PRICKLE1: variants seen among roughly 807,000 people sequenced by gnomAD.
PRICKLE1 encodes the protein prickle planar cell polarity protein 1, also known as prickle-like protein 1.
Under a neutral mutation model 70.2 loss-of-function variants are expected in PRICKLE1, and 14 were observed. The ratio of observed to expected loss-of-function variants is 0.20; its 90% confidence interval spans 0.13 to 0.31. PRICKLE1 has a LOEUF of 0.31. Ranked by LOEUF, PRICKLE1 falls within the 10% of genes least tolerant of loss-of-function variation. The pLI is 1.00. For synonymous variants in PRICKLE1, 357 were observed against 379.9 expected (o/e 0.94, Z 0.70); for missense variants, 821 against 1,026.2 (o/e 0.80, Z 2.73).
intron 1 of PRICKLE1, among the ~76,000 whole-genome samples, chr12:42,569,891 A>G (rs1384758538): frequency 6.6e-6 from 1 of 152,274 alleles, no homozygotes; most frequent in Non-Finnish European, 1.5e-5. Flanking sequence ...TAAACAGCAC[A>G]GACTCTGAAA....
At chr12:42,580,074 C>T (rs957278367) in intron 1 of PRICKLE1, among the ~76,000 whole-genome samples, 4 of 152,010 alleles carry the variant, frequency 2.6e-5, no homozygotes, top group Non-Finnish European at 4.4e-5. Flanking sequence ...AGGGTTTCAC[C>T]ATGTTGGCCA....
chr12:42,496,832 G>GC (rs1255350745), intron 1 of PRICKLE1, among the ~76,000 whole-genome samples: 10 of 152,148 alleles, frequency 6.6e-5, no homozygotes, highest in African/African-American at 2.4e-4. Flanking sequence ...TCTGGATTAG[G>GC]CTTTGGCTTA....
intron 1 of PRICKLE1, among the ~76,000 whole-genome samples, chr12:42,533,537 T>TA: frequency 6.6e-6 from 1 of 152,314 alleles, no homozygotes; most frequent in South Asian, 2.1e-4. Context: ...GGGAAAATTA[T>TA]TTCATTGCCT....
intron 1 of PRICKLE1, among the ~76,000 whole-genome samples, chr12:42,477,427 CATATGTATAT>C (rs1938592651): frequency 1.1e-5 from 1 of 94,442 alleles, no homozygotes; most frequent in South Asian, 3.2e-4. Flanking sequence ...TATGTATATA[CATATGTATAT>C]ATGTGTATAT....
chr12:42,550,748 T>C (rs896710058), intron 1 of PRICKLE1, among the ~76,000 whole-genome samples: 7 of 152,208 alleles, frequency 4.6e-5, no homozygotes, highest in Admixed American at 4.6e-4. Context: ...CAACAGAGAT[T>C]TAGCAGTAAC....
intron 1 of PRICKLE1, among the ~76,000 whole-genome samples, chr12:42,557,009 A>C (rs1190014892): frequency 6.6e-6 from 1 of 150,992 alleles, no homozygotes; most frequent in Non-Finnish European, 1.5e-5. Flanking sequence ...TTTTTTAAAG[A>C]GGCAGGTTCT....
chr12:42,532,841 G>A (rs935734479), intron 1 of PRICKLE1, among the ~76,000 whole-genome samples: 19 of 150,616 alleles, frequency 1.3e-4, no homozygotes, highest in African/African-American at 4.6e-4. Flanking sequence ...AGCTTGCAGT[G>A]AGCCGAGATC....
intron 1 of PRICKLE1, among the ~76,000 whole-genome samples, chr12:42,537,026 T>C (rs941958326): frequency 1.3e-5 from 2 of 152,144 alleles, no homozygotes; most frequent in Non-Finnish European, 2.9e-5. Context: ...GATTCTTACA[T>C]TTACAAAAAT....
At chr12:42,472,587 C>G (rs1302329203) in intron 1 of PRICKLE1, 23 bp from the exon 2 acceptor site, 3 of 1,594,654 alleles carry the variant, frequency 1.9e-6, no homozygotes, top group Non-Finnish European at 2.6e-6. Flanking sequence ...TAAGAAAAAA[C>G]AAAGACATCT....
chr12:42,516,421 C>T (rs772419121), intron 1 of PRICKLE1, among the ~76,000 whole-genome samples: 90 of 152,238 alleles, frequency 5.9e-4, no homozygotes, highest in Middle Eastern at 6.8e-3. Flanking sequence ...CGTGAGCCAC[C>T]GTGCCTGGCT....
intron 1 of PRICKLE1, among the ~76,000 whole-genome samples, chr12:42,574,799 G>A (rs1208192173): frequency 6.6e-6 from 1 of 151,432 alleles, no homozygotes; most frequent in East Asian, 1.9e-4. Context: ...CATAAGTTTT[G>A]TTGTTGCTGT....
chr12:42,543,367 C>CT (rs35278944), intron 1 of PRICKLE1, among the ~76,000 whole-genome samples: 42,841 of 143,170 alleles, frequency 0.3, 6,875 homozygotes, highest in Admixed American at 0.42. Context: ...ATGTATAACT[C>CT]TTTTTTTTTT....
chr12:42,576,646 T>C (rs1338158308), intron 1 of PRICKLE1, among the ~76,000 whole-genome samples: 1 of 152,228 alleles, frequency 6.6e-6, no homozygotes, highest in East Asian at 1.9e-4. Flanking sequence ...TACTTCATAG[T>C]CACTTATGAA....
At position 42,530,631 on chromosome 12, in the gene PRICKLE1, AG is replaced by A. The variant is rs1415253465; in HGVS notation, c.-48-58068del. Among the ~76,000 whole-genome samples the A allele has an allele frequency of 2.0e-5, 3 of 151,334 alleles. No homozygotes were observed. The East Asian group carries it at 5.8e-4, about 29-fold the overall frequency. On this transcript the variant is annotated intron_variant, in intron 1 of 7. Coordinates refer to ENST00000345127, the MANE Select transcript of PRICKLE1 (RefSeq NM_153026.3). ...AAAGACACAAAGGAAGGTTTTACAGAGGCTCTCTTGGCCATTTTAGGCAAAA... is the reference window on the plus strand; with the variant it reads ...AAAGACACAAAGGAAGGTTTTACAGAGCTCTCTTGGCCATTTTAGGCAAAA...
At chr12:42,534,383 A>G (rs1939982114) in intron 1 of PRICKLE1, among the ~76,000 whole-genome samples, 1 of 152,134 alleles carries the variant, frequency 6.6e-6, no homozygotes, top group African/African-American at 2.4e-5. Flanking sequence ...TGGCTGGACT[A>G]TGATAAGGGA....
At chr12:42,500,459 C>T (rs1939286514) in intron 1 of PRICKLE1, among the ~76,000 whole-genome samples, 1 of 152,192 alleles carries the variant, frequency 6.6e-6, no homozygotes, top group Non-Finnish European at 1.5e-5. Context: ...CAACCATCAC[C>T]TCTTCCACTT....
intron 1 of PRICKLE1, among the ~76,000 whole-genome samples, chr12:42,500,192 A>C (rs988066089): frequency 6.6e-6 from 1 of 152,224 alleles, no homozygotes; most frequent in Non-Finnish European, 1.5e-5. Context: ...AAAGGCCAAA[A>C]CATAGGGGAC....
At chr12:42,503,726 C>G (rs1939356391) in intron 1 of PRICKLE1, among the ~76,000 whole-genome samples, 1 of 152,140 alleles carries the variant, frequency 6.6e-6, no homozygotes, top group Non-Finnish European at 1.5e-5. Context: ...ATGAATATCC[C>G]TAGCCATTGG....
intron 1 of PRICKLE1, among the ~76,000 whole-genome samples, chr12:42,493,856 TA>T (rs201413394): frequency 0.031 from 2,517 of 80,474 alleles, 34 homozygotes; most frequent in East Asian, 0.13. Flanking sequence ...AGACCGTGTC[TA>T]AAAAAAAAAA....
Sources: gnomAD v4.1 joint callset for allele counts (sites outside exome capture counted in the v4.1 genomes callset) on GRCh38, gnomAD v4.1.1 for gene constraint, MANE v1.5 for transcripts, NCBI Gene and HGNC (gene_info 2026-07-23, HGNC 2026-07-21) for gene names.